SAMMSON: variants seen among roughly 807,000 people sequenced by gnomAD.
SAMMSON encodes the protein survival associated mitochondrial melanoma specific oncogenic non-coding RNA.
chr3:70,112,052 T>G (rs1559793229), intron 4 of SAMMSON, among the ~76,000 whole-genome samples: 1 of 152,136 alleles, frequency 6.6e-6, no homozygotes. Flanking sequence ...ATGTGAACTA[T>G]TAATGAAAGA....
chr3:70,312,596 T>A (rs1332574480), intron 7 of SAMMSON: 4 of 152,346 alleles, frequency 2.6e-5, no homozygotes, highest in East Asian at 3.9e-4. Flanking sequence ...TGGGGAGCAG[T>A]GAGCTGCAGC....
intron 9 of SAMMSON, among the ~76,000 whole-genome samples, chr3:70,374,219 T>C (rs1208513668): frequency 1.3e-5 from 2 of 152,200 alleles, no homozygotes; most frequent in Admixed American, 1.3e-4. Flanking sequence ...TGGCCAATGA[T>C]GGTTTTAAAG....
chr3:70,279,965 G>C (rs532706656), intron 6 of SAMMSON, among the ~76,000 whole-genome samples: 1 of 152,236 alleles, frequency 6.6e-6, no homozygotes, highest in East Asian at 1.9e-4. Context: ...GTTTTTTAGG[G>C]TTGCTGTAAC....
chr3:70,381,006 G>A (rs1487353137), intron 9 of SAMMSON, among the ~76,000 whole-genome samples: 4 of 152,118 alleles, frequency 2.6e-5, no homozygotes, highest in Non-Finnish European at 4.4e-5. Context: ...ATAAACATAC[G>A]TGTCCATGTG....
intron 4 of SAMMSON, among the ~76,000 whole-genome samples, chr3:70,224,825 C>T (rs772671318): frequency 2.0e-5 from 3 of 151,176 alleles, no homozygotes; most frequent in Non-Finnish European, 4.4e-5. Context: ...TTTGCAGTTT[C>T]CCCCCCCACA....
At chr3:70,404,010 C>T (rs1414833490) in intron 2 of SAMMSON, among the ~76,000 whole-genome samples, 4 of 151,806 alleles carry the variant, frequency 2.6e-5, no homozygotes, top group Non-Finnish European at 5.9e-5. Flanking sequence ...AGTGTAGTCT[C>T]AGATATTTTT....
intron 2 of SAMMSON, among the ~76,000 whole-genome samples, chr3:70,418,702 A>G (rs1262054556): frequency 6.6e-6 from 1 of 152,220 alleles, no homozygotes; most frequent in Non-Finnish European, 1.5e-5. Context: ...GTTTTAACCT[A>G]GAAAAAGGGC....
intron 6 of SAMMSON, among the ~76,000 whole-genome samples, chr3:70,270,029 T>C (rs1701958855): frequency 6.6e-6 from 1 of 152,118 alleles, no homozygotes; most frequent in African/African-American, 2.4e-5. Flanking sequence ...CAGTGATAAA[T>C]AAATCCATGA....
At chr3:70,242,526 T>C (rs1405399099) in intron 4 of SAMMSON, among the ~76,000 whole-genome samples, 1 of 152,198 alleles carries the variant, frequency 6.6e-6, no homozygotes, top group African/African-American at 2.4e-5. Flanking sequence ...GTTCTTGGCC[T>C]CATTGCAATC....
rs141258367 is a variant in SAMMSON at position 70,164,695 on chromosome 3, G to A, written n.508-84412G>A. On this transcript the variant is annotated intron_variant and non_coding_transcript_variant, in intron 4 of 9. Coordinates refer to ENST00000642114, the Ensembl canonical transcript of SAMMSON. ...GGACAAGTTTTTTAACCTCTCTGTG[G>A]CTATACTTCCTCATCTATAAAATCC... Among the ~76,000 whole-genome samples the A allele has an allele frequency of 2.8e-3, 424 of 152,086 alleles. 1 individual carries two copies. The highest frequency in any genetic ancestry group is 0.02 in the Middle Eastern group (6 of 294).
intron 7 of SAMMSON, among the ~76,000 whole-genome samples, chr3:70,324,157 A>C (rs570208101): frequency 6.7e-4 from 81 of 121,746 alleles, no homozygotes; most frequent in African/African-American, 1.5e-3. Flanking sequence ...ACATCTCTCT[A>C]TCTATCTATC....
intron 4 of SAMMSON, among the ~76,000 whole-genome samples, chr3:70,122,664 C>G (rs938233504): frequency 3.9e-5 from 6 of 152,128 alleles, no homozygotes; most frequent in Non-Finnish European, 8.8e-5. Flanking sequence ...AGATGAAAAG[C>G]TGTGAAACAG....
At chr3:70,185,137 C>T (rs999213486) in intron 4 of SAMMSON, among the ~76,000 whole-genome samples, 2 of 152,062 alleles carry the variant, frequency 1.3e-5, no homozygotes, top group African/African-American at 4.8e-5. Context: ...GTATTTTTTG[C>T]AGTCTTGATC....
At chr3:70,108,705 T>C (rs2067377272) in intron 4 of SAMMSON, among the ~76,000 whole-genome samples, 1 of 151,682 alleles carries the variant, frequency 6.6e-6, no homozygotes, top group Non-Finnish European at 1.5e-5. Context: ...GCTTGCTCAC[T>C]CCCTCCCCGC....
chr3:70,060,781 A>G (rs890843994), intron 3 of SAMMSON, among the ~76,000 whole-genome samples: 3 of 152,098 alleles, frequency 2.0e-5, no homozygotes, highest in African/African-American at 7.2e-5. Flanking sequence ...GACATAGAAA[A>G]ACTTGGACTG....
chr3:70,104,128 A>C (rs1009717356), intron 4 of SAMMSON, among the ~76,000 whole-genome samples: 1 of 151,744 alleles, frequency 6.6e-6, no homozygotes, highest in Non-Finnish European at 1.5e-5. Context: ...GCTTTTTATT[A>C]ATTGTATGAT....
chr3:70,190,064 G>T (rs1035429875), intron 4 of SAMMSON, among the ~76,000 whole-genome samples: 2 of 152,068 alleles, frequency 1.3e-5, no homozygotes, highest in African/African-American at 4.8e-5. Context: ...AATATACCTT[G>T]ACTTTCCACT....
At chr3:70,338,350 C>G (rs899961112) in intron 7 of SAMMSON, among the ~76,000 whole-genome samples, 1 of 152,032 alleles carries the variant, frequency 6.6e-6, no homozygotes, top group African/African-American at 2.4e-5. Context: ...GACCCAGATT[C>G]AAGTCCAAGT....
chr3:70,300,368 C>T (rs1702335923), intron 7 of SAMMSON, among the ~76,000 whole-genome samples: 1 of 151,988 alleles, frequency 6.6e-6, no homozygotes, highest in Admixed American at 6.6e-5. Context: ...ATAGGCACAT[C>T]GAGTATTATT....
Sources: allele counts gnomAD v4.1 joint callset (sites outside exome capture counted in the v4.1 genomes callset), GRCh38; gene constraint gnomAD v4.1.1; transcripts MANE v1.5; gene names NCBI Gene and HGNC (gene_info 2026-07-23, HGNC 2026-07-21).